Variants in CCSER1 observed in about 807,000 individuals in gnomAD.
CCSER1 encodes the protein serine-rich coiled-coil domain-containing protein 1.
Under a neutral mutation model 82.0 loss-of-function variants are expected in CCSER1, and 41 were observed. The ratio of observed to expected loss-of-function variants is 0.50; its 90% CI spans 0.39 to 0.65. CCSER1 has a LOEUF of 0.65. Ranked by LOEUF, CCSER1 falls within the 30% of genes least tolerant of loss-of-function variation. CCSER1 has a pLI of 0.00. For synonymous variants in CCSER1, 414 were observed against 383.9 expected, an observed-to-expected ratio of 1.08 and a Z score of -0.92; for missense variants, 1,119 against 1,064.2, an observed-to-expected ratio of 1.05 and a Z score of -0.72.
chr4:91,215,064 T>C (rs2149090500), intron 10 of CCSER1, among the ~76,000 whole-genome samples: 1 of 152,240 alleles, frequency 6.6e-6, no homozygotes, highest in Non-Finnish European at 1.5e-5. Flanking sequence ...AACCCATTTA[T>C]ATATAAAGGG....
rs151118864 is a variant in CCSER1 at position 90,205,983 on chromosome 4, G to A, written c.-42+78152G>A. The stretch of plus-strand genomic sequence containing the variant: ...TTTCTAGATTTTCTAGTTTATTTGC[G>A]TAGGGGTGTTTATAGTATTCTCTGA... On this transcript the variant is annotated intron_variant, in intron 1 of 10. Coordinates refer to ENST00000509176, the MANE Select transcript of CCSER1 (RefSeq NM_001145065.2). Among the ~76,000 whole-genome samples the A allele has an allele frequency of 2.6e-4, 39 of 152,128 alleles. 1 individual carries two copies. The highest frequency in any genetic ancestry group is 8.3e-4 in the South Asian group (4 of 4,820).
chr4:91,130,096 A>G (rs547980078), intron 10 of CCSER1: 2 of 152,092 alleles, frequency 1.3e-5, no homozygotes, highest in East Asian at 3.9e-4. Context: ...AAGCTCTAAT[A>G]TAAAGGGAAT....
intron 10 of CCSER1, among the ~76,000 whole-genome samples, chr4:91,336,597 A>G (rs1188612841): frequency 2.0e-5 from 3 of 152,084 alleles, no homozygotes; most frequent in African/African-American, 7.2e-5. Context: ...CAAAATACAT[A>G]AAGGGCTCAA....
At chr4:90,137,741 C>T (rs112297208) in intron 1 of CCSER1, among the ~76,000 whole-genome samples, 3 of 152,330 alleles carry the variant, frequency 2.0e-5, no homozygotes, top group African/African-American at 7.2e-5. Context: ...GAGGAGCTAT[C>T]CAGGGTACTA....
chr4:91,576,345 A>G (rs1275566511), intron 10 of CCSER1, among the ~76,000 whole-genome samples: 2 of 152,068 alleles, frequency 1.3e-5, no homozygotes, highest in Non-Finnish European at 2.9e-5. Context: ...AAATCTAAAA[A>G]AAGTCCAACT....
At chr4:90,470,116 T>C (rs1764169243) in intron 5 of CCSER1, among the ~76,000 whole-genome samples, 1 of 152,174 alleles carries the variant, frequency 6.6e-6, no homozygotes, top group Non-Finnish European at 1.5e-5. Context: ...TGTTCCATAT[T>C]TAAGTAAAGC....
intron 8 of CCSER1, among the ~76,000 whole-genome samples, chr4:90,915,069 T>A (rs894464517): frequency 6.6e-6 from 1 of 152,156 alleles, no homozygotes; most frequent in African/African-American, 2.4e-5. Context: ...GATTCACAGC[T>A]GAATTCTACC....
intron 10 of CCSER1, among the ~76,000 whole-genome samples, chr4:91,176,503 G>A (rs1733389078): frequency 6.6e-6 from 1 of 152,080 alleles, no homozygotes; most frequent in Non-Finnish European, 1.5e-5. Flanking sequence ...ATTTCATTGA[G>A]CAGTGGTTTG....
intron 4 of CCSER1, among the ~76,000 whole-genome samples, chr4:90,433,873 T>C (rs1432275165): frequency 6.6e-6 from 1 of 151,494 alleles, no homozygotes; most frequent in Non-Finnish European, 1.5e-5. Context: ...CCTGGAGATA[T>C]ATATATATAT....
intron 10 of CCSER1, among the ~76,000 whole-genome samples, chr4:91,575,749 A>G (rs964926053): frequency 7.9e-5 from 12 of 152,124 alleles, no homozygotes; most frequent in African/African-American, 2.9e-4. Flanking sequence ...GTGTATGAAA[A>G]AAATGTTCAC....
chr4:91,561,885 A>G (rs546890102), intron 10 of CCSER1, among the ~76,000 whole-genome samples: 1 of 151,560 alleles, frequency 6.6e-6, no homozygotes, highest in Middle Eastern at 3.4e-3. Flanking sequence ...TGGGTATATC[A>G]TGGGTAAAAT....
At chr4:91,295,667 T>C (rs1175025935) in intron 10 of CCSER1, among the ~76,000 whole-genome samples, 1 of 151,960 alleles carries the variant, frequency 6.6e-6, no homozygotes, top group Non-Finnish European at 1.5e-5. Flanking sequence ...TATTGCATAA[T>C]GCATACAAAG....
chr4:91,102,502 G>GATGA (rs1725176499), intron 10 of CCSER1, among the ~76,000 whole-genome samples: 1 of 152,152 alleles, frequency 6.6e-6, no homozygotes, highest in Non-Finnish European at 1.5e-5. Context: ...TTTACAAAGA[G>GATGA]ATGAGGACCA....
At chr4:91,046,252 A>G (rs1451450109) in intron 9 of CCSER1, among the ~76,000 whole-genome samples, 2 of 152,102 alleles carry the variant, frequency 1.3e-5, no homozygotes, top group Admixed American at 1.3e-4. Flanking sequence ...TAATGTTGTC[A>G]TCCTTTAATA....
At chr4:91,526,703 C>T (rs1450928727) in intron 10 of CCSER1, among the ~76,000 whole-genome samples, 1 of 152,116 alleles carries the variant, frequency 6.6e-6, no homozygotes. Flanking sequence ...CTCCTCGGTT[C>T]AAGCGATTCT....
chr4:90,779,476 G>C (rs1303494374), intron 7 of CCSER1, among the ~76,000 whole-genome samples: 1 of 151,980 alleles, frequency 6.6e-6, no homozygotes, highest in Non-Finnish European at 1.5e-5. Flanking sequence ...ATGTGCTGCT[G>C]CATTCTCAGC....
intron 3 of CCSER1, chr4:90,325,664 T>C (rs1359431242): frequency 1.1e-5 from 5 of 449,070 alleles, no homozygotes; most frequent in African/African-American, 8.0e-5. Context: ...TGACCTTCAG[T>C]AAACTAACTA....
chr4:91,435,304 T>C (rs917106850), intron 10 of CCSER1, among the ~76,000 whole-genome samples: 3 of 151,280 alleles, frequency 2.0e-5, no homozygotes, highest in Non-Finnish European at 1.5e-5. Context: ...TAGCTGGGAG[T>C]GGTGGCTGTG....
chr4:91,113,856 T>A, intron 10 of CCSER1, among the ~76,000 whole-genome samples: 1 of 152,148 alleles, frequency 6.6e-6, no homozygotes, highest in East Asian at 1.9e-4. Flanking sequence ...CTACATTTTT[T>A]TTTTTTTCTT....
Sources: gnomAD v4.1 joint callset for allele counts (sites outside exome capture counted in the v4.1 genomes callset) on GRCh38, gnomAD v4.1.1 for gene constraint, MANE v1.5 for transcripts, NCBI Gene and HGNC (gene_info 2026-07-23, HGNC 2026-07-21) for gene names.